The following BARX2 variants were observed in gnomAD, a reference collection of about 807,000 sequenced individuals.
BARX2 encodes homeobox protein BarH-like 2.
Under a neutral mutation model 25.5 loss-of-function variants are expected in BARX2, and 11 were observed. The observed-to-expected ratio is 0.43, with a 90% CI of 0.27 to 0.71. The LOEUF (loss-of-function observed/expected upper bound fraction) is 0.71. Ranked by LOEUF, BARX2 falls within the 30% of genes least tolerant of loss-of-function variation. The probability of loss-of-function intolerance (pLI) is 0.19; values close to 1 mark genes in which losing one functional copy is unlikely to be tolerated. For missense variants in BARX2, 360 were observed against 359.9 expected (o/e 1.00, Z 0.00); for synonymous variants, 137 against 149.5 (o/e 0.92, Z 0.61).
At position 129,375,956 on chromosome 11, in the gene BARX2, C is replaced by A. The variant is rs1861497635; in HGVS notation, c.-80C>A. Reference sequence around the variant, plus strand: ...GCCGGGAGCGGGGCCCAGGCCCCGCCGTCGCGCCAGCCCCGCGGCCCCAGC... The same window carrying A: ...GCCGGGAGCGGGGCCCAGGCCCCGCAGTCGCGCCAGCCCCGCGGCCCCAGC... On this transcript the variant is annotated 5_prime_UTR_variant, in exon 1 of 4. Coordinates refer to ENST00000281437, the MANE Select transcript of BARX2 (RefSeq NM_003658.5). The surrounding 1 kb of genome is among the most constrained non-coding windows in gnomAD (Gnocchi z 4.0). The A allele has an allele frequency of 1.1e-6, 1 of 873,930 alleles. No homozygotes were observed. The highest frequency in any genetic ancestry group is 1.4e-6 in the Non-Finnish European group (1 of 723,174). 54.1% of individuals were successfully genotyped at this position (873,930 alleles called of 1,614,324 possible).
At chr11:129,415,938 G>A (rs777329398) in intron 1 of BARX2, among the ~76,000 whole-genome samples, 27 of 152,338 alleles carry the variant, frequency 1.8e-4, no homozygotes, top group Non-Finnish European at 3.1e-4. Flanking sequence ...TGGATCCAAC[G>A]TGACTGGGGC....
chr11:129,402,272 A>G (rs780925099), intron 1 of BARX2, among the ~76,000 whole-genome samples: 3 of 151,876 alleles, frequency 2.0e-5, no homozygotes, highest in Non-Finnish European at 2.9e-5. Context: ...ACTTCTTAGC[A>G]TGTTAGCTTG....
chr11:129,407,559 A>G (rs2135396380), intron 1 of BARX2, among the ~76,000 whole-genome samples: 2 of 152,276 alleles, frequency 1.3e-5, no homozygotes, highest in Middle Eastern at 3.4e-3. Flanking sequence ...TGTTTTACTC[A>G]TCCCCACTTC....
intron 1 of BARX2, among the ~76,000 whole-genome samples, chr11:129,434,532 T>C (rs1384181014): frequency 6.6e-6 from 1 of 151,428 alleles, no homozygotes; most frequent in African/African-American, 2.4e-5. Flanking sequence ...GCCAAAGTGC[T>C]GAGCCACCAC....
At chr11:129,426,129 T>C (rs543944053) in intron 1 of BARX2, among the ~76,000 whole-genome samples, 1 of 152,128 alleles carries the variant, frequency 6.6e-6, no homozygotes, top group South Asian at 2.1e-4. Flanking sequence ...AGAGAGTGCA[T>C]CTGTTTCATT....
At chr11:129,378,565 T>TTTTC (rs1861528535) in intron 1 of BARX2, among the ~76,000 whole-genome samples, 1 of 28,318 alleles carries the variant, frequency 3.5e-5, no homozygotes, top group African/African-American at 2.7e-4. Flanking sequence ...TTCTTTTTCT[T>TTTTC]TTTTTTTTTT....
At chr11:129,448,704 C>T (rs1862359840) in intron 3 of BARX2, among the ~76,000 whole-genome samples, 1 of 152,152 alleles carries the variant, frequency 6.6e-6, no homozygotes, top group South Asian at 2.1e-4. Context: ...GAAAACAGTC[C>T]TCAAAATGTG....
At chr11:129,447,146 C>T (rs1463574900) in intron 3 of BARX2, among the ~76,000 whole-genome samples, 1 of 152,188 alleles carries the variant, frequency 6.6e-6, no homozygotes, top group African/African-American at 2.4e-5. Flanking sequence ...TTGATACTGA[C>T]AAACTCTGTC....
At chr11:129,391,411 A>G (rs1861664443) in intron 1 of BARX2, among the ~76,000 whole-genome samples, 1 of 152,196 alleles carries the variant, frequency 6.6e-6, no homozygotes, top group South Asian at 2.1e-4. Context: ...AGGTTGTGAC[A>G]GACACAGCAT....
At chr11:129,396,392 CT>C (rs751936942) in intron 1 of BARX2, among the ~76,000 whole-genome samples, 3,683 of 142,982 alleles carry the variant, frequency 0.026, 43 homozygotes, top group African/African-American at 0.039. Context: ...CCCCACTCAC[CT>C]TTTTTTTTTT....
chr11:129,450,789 G>A (rs538213452), intron 3 of BARX2, among the ~76,000 whole-genome samples: 1 of 151,950 alleles, frequency 6.6e-6, no homozygotes, highest in East Asian at 1.9e-4. Context: ...TTTCCTGCTT[G>A]CTACAAATAT....
intron 2 of BARX2, among the ~76,000 whole-genome samples, chr11:129,441,809 TGAGA>T (rs1301422742): frequency 1.4e-4 from 22 of 152,362 alleles, no homozygotes; most frequent in African/African-American, 3.6e-4. Flanking sequence ...CCACAGTTGC[TGAGA>T]GAGTCTAATC....
chr11:129,428,194 C>G (rs934693511), intron 1 of BARX2, among the ~76,000 whole-genome samples: 2 of 152,140 alleles, frequency 1.3e-5, no homozygotes, highest in Non-Finnish European at 2.9e-5. Context: ...TAAACAATGT[C>G]TTTGGTTTAT....
chr11:129,431,573 A>G (rs1862130263), intron 1 of BARX2, among the ~76,000 whole-genome samples: 1 of 152,220 alleles, frequency 6.6e-6, no homozygotes, highest in South Asian at 2.1e-4. Flanking sequence ...AATTTGCCAT[A>G]TGTAGAACCT....
chr11:129,407,869 T>A (rs749527092), intron 1 of BARX2, among the ~76,000 whole-genome samples: 4 of 150,970 alleles, frequency 2.6e-5, no homozygotes, highest in Non-Finnish European at 4.4e-5. Context: ...GTGGATGGGG[T>A]CAGAGAAGCA....
Position 129,396,248 on chromosome 11 carries a change from C to T in BARX2, c.187+20026C>T, listed in dbSNP as rs575014010. Among the ~76,000 whole-genome samples, 103 of 152,210 alleles carry T rather than the reference C, an allele frequency of 6.8e-4. 1 individual carries two copies. Among genetic ancestry groups the T allele is most frequent in the African/African-American group, 2.1e-3 (87 of 41,532 alleles). ...TGGTTTTGAACCTTACTAAACTGCT[C>T]GTGTTTCTTTACAGCACTTTTCTTC... On this transcript the variant is annotated intron_variant, in intron 1 of 3. Transcript: ENST00000281437.
intron 1 of BARX2, among the ~76,000 whole-genome samples, chr11:129,404,621 G>A (rs1376034177): frequency 6.6e-6 from 1 of 152,226 alleles, no homozygotes; most frequent in Non-Finnish European, 1.5e-5. Context: ...TTCTGCGAGA[G>A]TAATGTTGGC....
chr11:129,430,484 T>A (rs1862116803), intron 1 of BARX2, among the ~76,000 whole-genome samples: 1 of 152,218 alleles, frequency 6.6e-6, no homozygotes, highest in Non-Finnish European at 1.5e-5. Context: ...TTGTTTTAAA[T>A]TTATTTTGTA....
chr11:129,435,447 G>C (rs1203485682), intron 1 of BARX2, among the ~76,000 whole-genome samples: 2 of 152,228 alleles, frequency 1.3e-5, no homozygotes, highest in Non-Finnish European at 2.9e-5. Context: ...CCAGAGAAGA[G>C]AGCTGGAGCA....
Sources: allele counts gnomAD v4.1 joint callset (sites outside exome capture counted in the v4.1 genomes callset), GRCh38; gene constraint gnomAD v4.1.1; non-coding constraint Gnocchi (gnomAD v3.1); transcripts MANE v1.5; gene names NCBI Gene and HGNC (gene_info 2026-07-23, HGNC 2026-07-21).